Variants in BCAS3 observed in about 807,000 individuals in gnomAD.
BCAS3 encodes BCAS3 microtubule associated cell migration factor.
In BCAS3, 53 loss-of-function variants were observed where a neutral mutation model predicts 116.1. That is an observed-to-expected ratio of 0.46 (90% CI 0.37 to 0.57). The LOEUF is 0.57. Ranked by LOEUF, BCAS3 falls within the 20% of genes least tolerant of loss-of-function variation. The pLI is 0.00. For synonymous variants in BCAS3, 391 were observed against 408.2 expected (o/e 0.96, Z 0.51); for missense variants, 917 against 1,165.4 (o/e 0.79, Z 3.10).
At chr17:60,786,570 T>TATATATATATATATAA (rs1555715118) in intron 6 of BCAS3, among the ~76,000 whole-genome samples, 1 of 148,020 alleles carries the variant, frequency 6.8e-6, no homozygotes, top group African/African-American at 2.6e-5. Flanking sequence ...TATATATATA[T>TATATATATATATATAA]AAAATGTGTC....
At chr17:60,991,299 A>C (rs2063509662) in intron 15 of BCAS3, among the ~76,000 whole-genome samples, 1 of 152,140 alleles carries the variant, frequency 6.6e-6, no homozygotes, top group Non-Finnish European at 1.5e-5. Context: ...ATTTATTTAC[A>C]GCTCTCATTT....
chr17:60,829,417 C>T (rs1350324878), intron 7 of BCAS3, among the ~76,000 whole-genome samples: 1 of 151,384 alleles, frequency 6.6e-6, no homozygotes, highest in East Asian at 1.9e-4. Context: ...TCACTTGAAC[C>T]CAGGAGGCAG....
At chr17:61,247,301 A>G (rs1363144677) in intron 22 of BCAS3, among the ~76,000 whole-genome samples, 3 of 152,198 alleles carry the variant, frequency 2.0e-5, no homozygotes, top group Admixed American at 1.3e-4. Context: ...TCAGAAGGAA[A>G]ACACTTGAAA....
At chr17:61,206,801 C>CAAAAAA (rs71148392) in intron 22 of BCAS3, among the ~76,000 whole-genome samples, 1 of 74,928 alleles carries the variant, frequency 1.3e-5, no homozygotes, top group Non-Finnish European at 2.4e-5. Flanking sequence ...AACTCTGTCT[C>CAAAAAA]AAAAAAAAAA....
At chr17:61,202,481 C>T (rs2080896974) in intron 22 of BCAS3, among the ~76,000 whole-genome samples, 2 of 151,954 alleles carry the variant, frequency 1.3e-5, no homozygotes, top group African/African-American at 2.4e-5. Context: ...CCTTTTTCCC[C>T]TCCTCATTTT....
At chr17:61,201,071 A>G (rs966225049) in intron 22 of BCAS3, among the ~76,000 whole-genome samples, 1 of 152,254 alleles carries the variant, frequency 6.6e-6, no homozygotes, top group African/African-American at 2.4e-5. Flanking sequence ...TTCCATAAAA[A>G]TTAGGAGGTC....
intron 9 of BCAS3, among the ~76,000 whole-genome samples, chr17:60,888,535 A>G (rs2056902236): frequency 6.6e-6 from 1 of 152,212 alleles, no homozygotes; most frequent in Admixed American, 6.5e-5. Flanking sequence ...AGATTAATCT[A>G]TTCAATGGTC....
At position 61,226,425 on chromosome 17, in the gene BCAS3, G is replaced by A. The variant is rs139983813; in HGVS notation, c.2425+141861G>A. Among the ~76,000 whole-genome samples, 765 of 152,182 alleles carry A rather than the reference G, an allele frequency of 5.0e-3. No homozygotes were observed. The highest frequency in any genetic ancestry group is 0.01 in the South Asian group (50 of 4,826). On this transcript the variant is annotated intron_variant, in intron 22 of 23. Coordinates refer to ENST00000407086, the MANE Select transcript of BCAS3 (RefSeq NM_017679.5). This position sits in a 1 kb window ranked among gnomAD's most constrained non-coding sequence, Gnocchi z 6.0. ...AAGAATTAAGACATTTCAAACTTTT[G>A]TATGGAGATCTTTGTTAAGTGGATT... is the stretch of plus-strand genomic sequence containing the variant.
chr17:60,772,958 A>C (rs2044878060), intron 6 of BCAS3, among the ~76,000 whole-genome samples: 1 of 152,212 alleles, frequency 6.6e-6, no homozygotes, highest in Non-Finnish European at 1.5e-5. Flanking sequence ...ATGAGTCTTC[A>C]ACTTATTTGG....
intron 8 of BCAS3, among the ~76,000 whole-genome samples, chr17:60,873,998 T>A (rs1361823381): frequency 6.7e-6 from 1 of 150,056 alleles, no homozygotes; most frequent in African/African-American, 2.5e-5. Flanking sequence ...AACACTGTGC[T>A]GGGCTTGATC....
At chr17:61,125,811 C>G (rs558548240) in intron 22 of BCAS3, among the ~76,000 whole-genome samples, 1 of 152,182 alleles carries the variant, frequency 6.6e-6, no homozygotes, top group African/African-American at 2.4e-5. Flanking sequence ...AAAATGTCTT[C>G]TTTTACGTAA....
intron 10 of BCAS3, among the ~76,000 whole-genome samples, chr17:60,891,257 T>A (rs1465147237): frequency 6.6e-6 from 1 of 152,218 alleles, no homozygotes; most frequent in Non-Finnish European, 1.5e-5. Flanking sequence ...TATTCTCACA[T>A]ATGGGGAACT....
intron 16 of BCAS3, among the ~76,000 whole-genome samples, chr17:61,030,755 T>C (rs543476771): frequency 9.9e-5 from 15 of 152,184 alleles, no homozygotes; most frequent in African/African-American, 3.6e-4. Flanking sequence ...TATGATGTTT[T>C]ATGATTGTCA....
At chr17:60,996,846 A>G (rs1416918725) in intron 15 of BCAS3, among the ~76,000 whole-genome samples, 1 of 152,162 alleles carries the variant, frequency 6.6e-6, no homozygotes, top group Non-Finnish European at 1.5e-5. Context: ...AGGCCAAGTG[A>G]ATTAATTCTT....
At chr17:60,942,658 T>C (rs2060285973) in intron 13 of BCAS3, among the ~76,000 whole-genome samples, 1 of 152,142 alleles carries the variant, frequency 6.6e-6, no homozygotes, top group African/African-American at 2.4e-5. Flanking sequence ...TGGCATCTAG[T>C]AGGATATTTT....
intron 5 of BCAS3, among the ~76,000 whole-genome samples, chr17:60,717,507 T>G (rs1342772462): frequency 6.6e-6 from 1 of 152,116 alleles, no homozygotes; most frequent in Non-Finnish European, 1.5e-5. Context: ...TGAGCCACCA[T>G]GCCCGGCAGA....
At chr17:60,701,698 G>A (rs1421420354) in intron 4 of BCAS3, among the ~76,000 whole-genome samples, 2 of 151,690 alleles carry the variant, frequency 1.3e-5, no homozygotes, top group Non-Finnish European at 1.5e-5. Flanking sequence ...GGTGGCTCAC[G>A]CCTGTAATCC....
intron 5 of BCAS3, among the ~76,000 whole-genome samples, chr17:60,738,151 A>G (rs1158340773): frequency 6.6e-6 from 1 of 152,180 alleles, no homozygotes; most frequent in Admixed American, 6.5e-5. Context: ...TGAATGTTCC[A>G]TGTCTGCCTG....
chr17:60,992,450 G>A (rs1403980060), intron 15 of BCAS3, among the ~76,000 whole-genome samples: 1 of 152,128 alleles, frequency 6.6e-6, no homozygotes, highest in African/African-American at 2.4e-5. Context: ...AGCTCTAGAT[G>A]CAAAAGGTCA....
Sources: gnomAD v4.1 joint callset for allele counts (sites outside exome capture counted in the v4.1 genomes callset) on GRCh38, gnomAD v4.1.1 for gene constraint, Gnocchi (gnomAD v3.1) non-coding constraint, MANE v1.5 for transcripts, NCBI Gene and HGNC (gene_info 2026-07-23, HGNC 2026-07-21) for gene names.